Variants in SLC25A25 observed in about 807,000 individuals in gnomAD.
The protein encoded by SLC25A25 is solute carrier family 25 member 25, also known as mitochondrial adenyl nucleotide antiporter SLC25A25.
A neutral mutation model predicts 57.7 loss-of-function variants in SLC25A25; 32 were observed. The observed-to-expected ratio is 0.55, with a 90% CI of 0.42 to 0.74. The LOEUF is 0.74. SLC25A25 is among the 30% of genes least tolerant of loss of function. The pLI is 0.00. For missense variants in SLC25A25, 556 were observed against 701.3 expected, an observed-to-expected ratio of 0.79 and a Z score of 2.34; for synonymous variants, 306 against 291.2, an observed-to-expected ratio of 1.05 and a Z score of -0.52.
chr9:128,090,217 G>A (rs1362025462), intron 1 of SLC25A25, among the ~76,000 whole-genome samples: 2 of 150,914 alleles, frequency 1.3e-5, no homozygotes, highest in Non-Finnish European at 3.0e-5. Context: ...GTTTTTTTTT[G>A]TTTTTTGTTT....
At chr9:128,098,744 C>T (rs749118269) in intron 1 of SLC25A25, 13 of 1,612,172 alleles carry the variant, frequency 8.1e-6, no homozygotes, top group East Asian at 4.5e-5. Context: ...GGTGACCGCG[C>T]GGAAGGGAGA....
chr9:128,096,106 C>CG (rs1319929995), intron 1 of SLC25A25, among the ~76,000 whole-genome samples: 1 of 148,646 alleles, frequency 6.7e-6, no homozygotes, highest in Non-Finnish European at 1.5e-5. Flanking sequence ...GGAAGACCAG[C>CG]ATTTTTTTTA....
intron 1 of SLC25A25, among the ~76,000 whole-genome samples, chr9:128,089,634 CT>C (rs11307596): frequency 0.92 from 116,183 of 126,266 alleles, 53,566 homozygotes; most frequent in East Asian, 0.99. Flanking sequence ...TCCAGATTGT[CT>C]TTTTTTTTTT....
intron 1 of SLC25A25, chr9:128,090,924 A>G (rs1371041875): frequency 6.6e-6 from 1 of 152,210 alleles, no homozygotes; most frequent in Non-Finnish European, 1.5e-5. Flanking sequence ...AAATGACCAT[A>G]GATTAATTCC....
intron 1 of SLC25A25, among the ~76,000 whole-genome samples, chr9:128,087,032 T>C (rs1833291468): frequency 6.7e-6 from 1 of 149,954 alleles, no homozygotes; most frequent in Admixed American, 6.7e-5. Context: ...CTGGCCAACA[T>C]GGTGAAACCC....
In SLC25A25 at chr9:128,107,094, C is replaced by T; in HGVS notation, c.1278C>T (p.Leu426=). 6.2e-7 allele frequency: 1 copy of T among 1,614,122 alleles called. No individual in the cohort carries two copies. The highest frequency in any genetic ancestry group is 8.5e-7 in the Non-Finnish European group (1 of 1,180,036). Residue 426 remains leucine, a synonymous_variant, in exon 10 of 11, where the codon CTC becomes CTT. Coordinates refer to ENST00000373069, the MANE Select transcript of SLC25A25 (RefSeq NM_001330988.2). ...GCGCGGACCCCGGCGTGTTTGTGCT[C>T]CTGGCCTGTGGCACCATGTCCAGTA... is the stretch of plus-strand genomic sequence containing the variant. ...VNSADPGVFV[L]LACGTMSSTC... is the part of the protein sequence containing the mutation.
intron 1 of SLC25A25, among the ~76,000 whole-genome samples, chr9:128,096,419 G>T (rs1057481388): frequency 6.6e-6 from 1 of 152,162 alleles, no homozygotes; most frequent in Non-Finnish European, 1.5e-5. Flanking sequence ...TGAGGCACAA[G>T]AGTCGCTTGA....
intron 6 of SLC25A25, 118 bp from the exon 7 acceptor site, chr9:128,105,611 T>C (rs1220729342): frequency 6.8e-7 from 1 of 1,478,346 alleles, no homozygotes; most frequent in Non-Finnish European, 9.3e-7. Flanking sequence ...GTCTTCAAAA[T>C]GCACGGAAGA....
At chr9:128,089,271 G>A (rs950023232) in intron 1 of SLC25A25, among the ~76,000 whole-genome samples, 7 of 151,944 alleles carry the variant, frequency 4.6e-5, no homozygotes, top group East Asian at 1.9e-4. Context: ...TGCATGAATC[G>A]CAATCATTTT....
At chr9:128,100,192 TGC>T (rs1833729680) in intron 1 of SLC25A25, among the ~76,000 whole-genome samples, 1 of 148,692 alleles carries the variant, frequency 6.7e-6, no homozygotes, top group South Asian at 2.2e-4. Flanking sequence ...TAGAGCTGTT[TGC>T]GAGGGGGGTA....
Position 128,077,115 on chromosome 9 carries a change from G to A in SLC25A25, c.261+8535G>A, listed in dbSNP as rs546971809. On this transcript the variant is annotated intron_variant, in intron 1 of 10. Transcript: ENST00000373069. The stretch of plus-strand genomic sequence containing the variant: ...TAATCTCTGCTGCTGCTAAAAACAG[G>A]TATCATCATGCACTTCTCAGGTGAC... Among the ~76,000 whole-genome samples, 44 of 152,252 alleles carry A rather than the reference G, an allele frequency of 2.9e-4. No homozygotes were observed. The South Asian group carries it at 9.1e-3, about 32-fold the overall frequency.
At position 128,103,812 on chromosome 9, in the gene SLC25A25, C is replaced by T. The variant is rs1468160932; in HGVS notation, c.756C>T (p.Pro252=). 3 of 1,609,702 alleles carry T rather than the reference C, an allele frequency of 1.9e-6. No homozygotes were observed. The African/African-American group carries it at 4.0e-5, about 22-fold the overall frequency. Residue 252 remains proline, a synonymous_variant, in exon 6 of 11, where the codon CCC becomes CCT. Transcript: ENST00000373069. This position sits in a 1 kb window ranked among gnomAD's most constrained non-coding sequence, Gnocchi z 6.7. The part of the protein sequence containing the change: ...AGAVSRTCTA[P]LDRLKVLMQV... ...CCGTATCCAGAACCTGCACGGCCCCCCTGGACAGGCTCAAGGTGCTCATGC... is the reference window on the plus strand; with the variant it reads ...CCGTATCCAGAACCTGCACGGCCCCTCTGGACAGGCTCAAGGTGCTCATGC...
intron 1 of SLC25A25, chr9:128,098,456 C>T: frequency 6.8e-7 from 1 of 1,480,220 alleles, no homozygotes; most frequent in Non-Finnish European, 9.0e-7. Context: ...GCTTAAGCAG[C>T]CAATGACAGC....
intron 1 of SLC25A25, chr9:128,091,767 C>T (rs1006030163): frequency 2.0e-6 from 3 of 1,492,446 alleles, no homozygotes; most frequent in Non-Finnish European, 2.7e-6. Flanking sequence ...CTGAGAACCC[C>T]AGGCCCGTCC....
intron 1 of SLC25A25, among the ~76,000 whole-genome samples, chr9:128,077,751 C>G (rs1054681665): frequency 1.3e-5 from 2 of 151,480 alleles, no homozygotes; most frequent in Non-Finnish European, 2.9e-5. Context: ...TACTGAGAAC[C>G]ACTGAACTGT....
intron 1 of SLC25A25, chr9:128,100,761 G>A (rs576711270): frequency 3.5e-5 from 10 of 284,318 alleles, no homozygotes; most frequent in East Asian, 1.8e-4. Flanking sequence ...CTGGCTGTAC[G>A]GCACGCAGGT....
intron 9 of SLC25A25, 92 bp from the exon 10 acceptor site, chr9:128,106,931 GTCGGGT>G (rs1834064967): frequency 6.9e-6 from 10 of 1,448,808 alleles, no homozygotes; most frequent in Non-Finnish European, 8.5e-6. Context: ...AGGCGCGGCA[GTCGGGT>G]TCCAGTGGCC....
chr9:128,089,767 T>G lies in SLC25A25; in HGVS notation c.262-11329T>G, dbSNP rs574454562. Among the ~76,000 whole-genome samples, 262 of 151,868 alleles carry G rather than the reference T, an allele frequency of 1.7e-3. 1 individual carries two copies. The highest frequency in any genetic ancestry group is 3.2e-3 in the Non-Finnish European group (217 of 67,968). ...CCCACCTCTCAGCCTCCTGAGTAGC[T>G]GGGACTACAACAGGCACCACGATGC... On this transcript the variant is annotated intron_variant, in intron 1 of 10. Transcript: ENST00000373069.
At chr9:128,100,478 G>C (rs1833743381) in intron 1 of SLC25A25, among the ~76,000 whole-genome samples, 1 of 152,224 alleles carries the variant, frequency 6.6e-6, no homozygotes, top group Non-Finnish European at 1.5e-5. Flanking sequence ...TGAGAGCAGG[G>C]ACTGGCAGTA....
Sources: gnomAD v4.1 joint callset for allele counts (sites outside exome capture counted in the v4.1 genomes callset) on GRCh38, gnomAD v4.1.1 for gene constraint, Gnocchi (gnomAD v3.1) non-coding constraint, MANE v1.5 for transcripts, NCBI Gene and HGNC (gene_info 2026-07-23, HGNC 2026-07-21) for gene names.